TYW1B: variants seen among roughly 807,000 people sequenced by gnomAD.
TYW1B encodes tRNA-yW synthesizing protein 1 homolog B, also known as S-adenosyl-L-methionine-dependent tRNA 4-demethylwyosine synthase TYW1B.
In TYW1B, 73 loss-of-function variants were observed where a neutral mutation model predicts 86.9. That is an observed-to-expected ratio of 0.84 (90% CI 0.70 to 1.02). TYW1B has a LOEUF of 1.02. TYW1B is among the 50% of genes least tolerant of loss of function. The pLI is 0.00. For synonymous variants in TYW1B, 248 were observed against 292.8 expected, an observed-to-expected ratio of 0.85 and a Z score of 1.56; for missense variants, 637 against 827.4, an observed-to-expected ratio of 0.77 and a Z score of 2.82.
At chr7:72,590,865 T>TA (rs1475165593) in intron 13 of TYW1B, among the ~76,000 whole-genome samples, 1 of 152,064 alleles carries the variant, frequency 6.6e-6, no homozygotes, top group Non-Finnish European at 1.5e-5. Context: ...TGAGAAAGGG[T>TA]AGATGGCAGA....
chr7:72,593,297 A>AAAAAAAAG (rs1374184259), intron 13 of TYW1B, among the ~76,000 whole-genome samples: 2 of 145,718 alleles, frequency 1.4e-5, no homozygotes, highest in African/African-American at 4.9e-5. Context: ...CCATCTCAAA[A>AAAAAAAAG]AAAGAAAAAG....
intron 9 of TYW1B, among the ~76,000 whole-genome samples, chr7:72,727,428 C>T (rs1239208797): frequency 6.6e-6 from 1 of 152,164 alleles, no homozygotes; most frequent in African/African-American, 2.4e-5. Context: ...TCCAATTCAT[C>T]ACCTACAGCT....
intron 10 of TYW1B, among the ~76,000 whole-genome samples, chr7:72,712,662 T>C (rs35053313): frequency 1.3e-5 from 2 of 152,260 alleles, no homozygotes; most frequent in South Asian, 2.1e-4. Context: ...CTCATTCACA[T>C]TGACTTGCTT....
At chr7:72,660,439 A>AT (rs1554444294) in intron 11 of TYW1B, among the ~76,000 whole-genome samples, 2 of 152,136 alleles carry the variant, frequency 1.3e-5, no homozygotes, top group African/African-American at 4.8e-5. Context: ...ATAAAACTTT[A>AT]TTTATAAAAA....
At chr7:72,721,840 GT>G (rs1554457606) in intron 9 of TYW1B, among the ~76,000 whole-genome samples, 1 of 152,094 alleles carries the variant, frequency 6.6e-6, no homozygotes, top group Non-Finnish European at 1.5e-5. Flanking sequence ...AGTCAGCAGA[GT>G]AACTAACAAG....
At chr7:72,745,147 C>T (rs1170541231) in intron 7 of TYW1B, among the ~76,000 whole-genome samples, 1 of 152,164 alleles carries the variant, frequency 6.6e-6, no homozygotes, top group Non-Finnish European at 1.5e-5. Flanking sequence ...GCCTCAGACT[C>T]TCAAGTAGCT....
At chr7:72,747,011 A>G (rs1302714808) in intron 7 of TYW1B, among the ~76,000 whole-genome samples, 2 of 152,146 alleles carry the variant, frequency 1.3e-5, no homozygotes, top group Non-Finnish European at 2.9e-5. Context: ...TGGGAGGAGC[A>G]GTATTTGGGT....
At chr7:72,811,075 T>C (rs1192146825) in intron 3 of TYW1B, among the ~76,000 whole-genome samples, 2 of 151,506 alleles carry the variant, frequency 1.3e-5, no homozygotes, top group African/African-American at 4.8e-5. Context: ...ATCGAGACCA[T>C]CCTGGCTAAC....
At chr7:72,719,310 G>C (rs1291577674) in intron 9 of TYW1B, among the ~76,000 whole-genome samples, 1 of 151,886 alleles carries the variant, frequency 6.6e-6, no homozygotes, top group Admixed American at 6.6e-5. Context: ...ACCACACTTG[G>C]CTAATTTTTT....
At chr7:72,691,089 C>A (rs34057600) in intron 11 of TYW1B, among the ~76,000 whole-genome samples, 2 of 152,134 alleles carry the variant, frequency 1.3e-5, no homozygotes, top group Non-Finnish European at 2.9e-5. Flanking sequence ...CCTAGCTAAC[C>A]CATATAACTA....
At chr7:72,769,555 T>C (rs1787831247) in intron 7 of TYW1B, among the ~76,000 whole-genome samples, 1 of 152,176 alleles carries the variant, frequency 6.6e-6, no homozygotes, top group Non-Finnish European at 1.5e-5. Flanking sequence ...AAGAAAAATA[T>C]GATATAGTGA....
chr7:72,775,816 G>T (rs1351433825), intron 7 of TYW1B, among the ~76,000 whole-genome samples: 1 of 151,778 alleles, frequency 6.6e-6, no homozygotes, highest in Non-Finnish European at 1.5e-5. Context: ...AATAGAACAT[G>T]GTAACTACAT....
chr7:72,630,472 C>G (rs1812455616), intron 11 of TYW1B, among the ~76,000 whole-genome samples: 1 of 150,954 alleles, frequency 6.6e-6, no homozygotes. Flanking sequence ...ACCCTCAAAC[C>G]ACACCTTAAG....
At chr7:72,803,924 T>G (rs528755740) in intron 5 of TYW1B, among the ~76,000 whole-genome samples, 1 of 151,516 alleles carries the variant, frequency 6.6e-6, no homozygotes, top group African/African-American at 2.4e-5. Flanking sequence ...GATAAAGAGA[T>G]TTTTAAGAGG....
chr7:72,696,120 G>C (rs1220430432), intron 10 of TYW1B, among the ~76,000 whole-genome samples: 1 of 151,726 alleles, frequency 6.6e-6, no homozygotes, highest in African/African-American at 2.4e-5. Context: ...GCTAATTTTT[G>C]TATTTTTAGT....
chr7:72,585,731 C>T (rs1461533131), intron 13 of TYW1B, among the ~76,000 whole-genome samples: 10 of 152,212 alleles, frequency 6.6e-5, no homozygotes, highest in African/African-American at 2.4e-4. Context: ...ACATGCCTTT[C>T]ACCTTCTGCC....
At chr7:72,768,375 A>G (rs1158186093) in intron 7 of TYW1B, among the ~76,000 whole-genome samples, 6 of 152,144 alleles carry the variant, frequency 3.9e-5, no homozygotes, top group Non-Finnish European at 7.4e-5. Flanking sequence ...GAATACAGAC[A>G]TTGAAGTTTG....
chr7:72,777,140 T>C (rs532824463), intron 7 of TYW1B, among the ~76,000 whole-genome samples: 1 of 152,286 alleles, frequency 6.6e-6, no homozygotes, highest in South Asian at 2.1e-4. Context: ...TAAGCTTTTC[T>C]ATGCATTTTT....
intron 13 of TYW1B, among the ~76,000 whole-genome samples, chr7:72,608,600 C>T (rs1811855832): frequency 6.6e-6 from 1 of 152,140 alleles, no homozygotes; most frequent in Non-Finnish European, 1.5e-5. Flanking sequence ...GCAGAGTAGA[C>T]TAAAAAAGTA....
Sources: gnomAD v4.1 joint callset for allele counts (sites outside exome capture counted in the v4.1 genomes callset) on GRCh38, gnomAD v4.1.1 for gene constraint, MANE v1.5 for transcripts, NCBI Gene and HGNC (gene_info 2026-07-23, HGNC 2026-07-21) for gene names.